Variants in FAM171A1 observed in about 807,000 individuals in gnomAD.
The protein encoded by FAM171A1 is protein FAM171A1.
Under a neutral mutation model 74.9 loss-of-function variants are expected in FAM171A1, and 23 were observed. That is an observed-to-expected ratio of 0.31 (90% CI 0.22 to 0.44). FAM171A1 has a LOEUF of 0.44. Among genes scored for constraint, FAM171A1 ranks in the 20% least tolerant of loss-of-function variants. The pLI, the probability that FAM171A1 is intolerant of heterozygous loss-of-function variation, is 1.00. For missense variants in FAM171A1, 1,162 were observed against 1,159.2 expected (o/e 1.00, Z -0.03); for synonymous variants, 527 against 505.7 (o/e 1.04, Z -0.57).
chr10:15,228,584 T>C (rs995763116), intron 5 of FAM171A1, among the ~76,000 whole-genome samples: 1 of 152,180 alleles, frequency 6.6e-6, no homozygotes, highest in African/African-American at 2.4e-5. Flanking sequence ...GCTCAAGTGA[T>C]CCTCCTCCTG....
chr10:15,259,877 G>A (rs1224089237), intron 3 of FAM171A1, among the ~76,000 whole-genome samples: 1 of 151,712 alleles, frequency 6.6e-6, no homozygotes, highest in Admixed American at 6.6e-5. Flanking sequence ...CCAGGCTGGA[G>A]TACAATGATG....
At chr10:15,261,022 C>T (rs554757254) in intron 3 of FAM171A1, among the ~76,000 whole-genome samples, 19 of 152,236 alleles carry the variant, frequency 1.2e-4, no homozygotes, top group South Asian at 6.2e-4. Context: ...TTTGTATTCA[C>T]GGAACTCAAG....
At chr10:15,319,997 G>A (rs986676245) in intron 1 of FAM171A1, among the ~76,000 whole-genome samples, 13 of 152,076 alleles carry the variant, frequency 8.5e-5, no homozygotes, top group Admixed American at 6.6e-4. Context: ...TCAGGGGTTT[G>A]TGACATGAGT....
At chr10:15,338,118 G>A (rs955218914) in intron 1 of FAM171A1, among the ~76,000 whole-genome samples, 30 of 152,166 alleles carry the variant, frequency 2.0e-4, no homozygotes, top group Admixed American at 6.5e-5. Flanking sequence ...ATCCAGACAA[G>A]GATGATCTGC....
At chr10:15,364,834 C>G (rs974633556) in intron 1 of FAM171A1, among the ~76,000 whole-genome samples, 1 of 152,118 alleles carries the variant, frequency 6.6e-6, no homozygotes, top group Non-Finnish European at 1.5e-5. Context: ...CATTCTCTCC[C>G]TGACTTGGAC....
In FAM171A1 at chr10:15,268,197, G is replaced by T. The variant is rs188292074; in HGVS notation, c.418+7658C>A. 1.4e-4 allele frequency among the ~76,000 whole-genome samples: 21 copies of T among 152,302 alleles called. No homozygotes were observed. In the East Asian group the frequency reaches 4.1e-3, roughly 30 times the overall value. ...GATTGTCCAGCCCTGAGTGGAAGGGGTTGGATTTTATTCCAAGTACAATGG... is the reference window on the plus strand; with the variant it reads ...GATTGTCCAGCCCTGAGTGGAAGGGTTTGGATTTTATTCCAAGTACAATGG... On this transcript the variant is annotated intron_variant, in intron 3 of 7. Transcript: ENST00000378116.
At chr10:15,338,027 T>TA (rs1248881741) in intron 1 of FAM171A1, among the ~76,000 whole-genome samples, 4 of 152,110 alleles carry the variant, frequency 2.6e-5, no homozygotes, top group Admixed American at 2.0e-4. Flanking sequence ...AATTCCTATT[T>TA]AAAAAACAAA....
chr10:15,216,115 A>G lies in FAM171A1; in HGVS notation c.872-5T>C. On this transcript the variant is annotated splice_polypyrimidine_tract_variant and splice_region_variant and intron_variant, in intron 6 of 7. Coordinates refer to ENST00000378116, the MANE Select transcript of FAM171A1 (RefSeq NM_001010924.2). ...TGTCCTGTGTTACAACGGGACCTAG[A>G]AGGTCAGAAAATGGCATTTAGAGTT... 1 of 1,568,196 alleles carries G rather than the reference A, an allele frequency of 6.4e-7. No individual in the cohort carries two copies. The highest frequency in any genetic ancestry group is 8.6e-7 in the Non-Finnish European group (1 of 1,160,088).
chr10:15,332,628 T>A (rs80096011), intron 1 of FAM171A1, among the ~76,000 whole-genome samples: 11,573 of 152,214 alleles, frequency 0.076, 499 homozygotes, highest in South Asian at 0.12. Flanking sequence ...TGTCATGAAT[T>A]TATGCATACA....
At chr10:15,296,896 A>G (rs953932803) in intron 1 of FAM171A1, among the ~76,000 whole-genome samples, 5 of 152,180 alleles carry the variant, frequency 3.3e-5, no homozygotes, top group African/African-American at 1.2e-4. Context: ...CATCTCAGGC[A>G]ACTGATGCTT....
At position 15,213,414 on chromosome 10, in the gene FAM171A1, A is replaced by G; in HGVS notation, c.2174T>C (p.Ile725Thr). ...GTTCCTTCCAGCTCTTTGGAGATCA[A>G]TGTATGAATGTCTAACGTGAGCGTT... ...RSNAHVRHSY[I>T]DLQRAGRNGS... The change falls in exon 8 of 8, where the codon ATT (isoleucine) becomes ACT (threonine). Residue 725 changes from isoleucine to threonine, a missense_variant. Coordinates refer to ENST00000378116, the MANE Select transcript of FAM171A1 (RefSeq NM_001010924.2). The surrounding 1 kb of genome is among the most constrained non-coding windows in gnomAD (Gnocchi z 6.8). The G allele has an allele frequency of 1.2e-6, 2 of 1,614,084 alleles. No homozygotes were observed. The highest frequency in any genetic ancestry group is 8.5e-7 in the Non-Finnish European group (1 of 1,180,018).
chr10:15,311,569 A>T (rs1485211438), intron 1 of FAM171A1, among the ~76,000 whole-genome samples: 1 of 152,150 alleles, frequency 6.6e-6, no homozygotes, highest in African/African-American at 2.4e-5. Flanking sequence ...ATATCCTGGG[A>T]TTCCCCTTAA....
chr10:15,254,341 G>A (rs1220948211), intron 4 of FAM171A1, among the ~76,000 whole-genome samples: 1 of 152,106 alleles, frequency 6.6e-6, no homozygotes, highest in Non-Finnish European at 1.5e-5. Flanking sequence ...CTCTCAAATG[G>A]GGGCTCGTGG....
chr10:15,314,868 C>T (rs1304248778), intron 1 of FAM171A1, among the ~76,000 whole-genome samples: 1 of 152,248 alleles, frequency 6.6e-6, no homozygotes, highest in Non-Finnish European at 1.5e-5. Context: ...CCACCTCGGC[C>T]TGGCCTGCAG....
At chr10:15,343,612 G>T (rs2131872579) in intron 1 of FAM171A1, among the ~76,000 whole-genome samples, 1 of 152,268 alleles carries the variant, frequency 6.6e-6, no homozygotes, top group East Asian at 1.9e-4. Flanking sequence ...CACCCTAGAG[G>T]AGTGACCTGT....
At chr10:15,309,454 C>T (rs183508015) in intron 1 of FAM171A1, among the ~76,000 whole-genome samples, 22 of 152,378 alleles carry the variant, frequency 1.4e-4, no homozygotes, top group Admixed American at 4.6e-4. Flanking sequence ...GCAATCCTCC[C>T]GCCTTGGCGT....
chr10:15,322,822 G>A (rs1160353926), intron 1 of FAM171A1, among the ~76,000 whole-genome samples: 1 of 152,228 alleles, frequency 6.6e-6, no homozygotes, highest in Non-Finnish European at 1.5e-5. Flanking sequence ...AAATGACCAA[G>A]GTCTTCATTT....
intron 1 of FAM171A1, among the ~76,000 whole-genome samples, chr10:15,310,599 C>G (rs1835348636): frequency 6.6e-6 from 1 of 152,036 alleles, no homozygotes; most frequent in African/African-American, 2.4e-5. Flanking sequence ...TGGTGGCTCA[C>G]ACTTGTAATC....
intron 6 of FAM171A1, among the ~76,000 whole-genome samples, chr10:15,218,469 T>G (rs1271297641): frequency 6.6e-6 from 1 of 152,174 alleles, no homozygotes; most frequent in Non-Finnish European, 1.5e-5. Flanking sequence ...TAACCCAAAT[T>G]ATTTTGTTGT....
Sources: gnomAD v4.1 joint callset for allele counts (sites outside exome capture counted in the v4.1 genomes callset) on GRCh38, gnomAD v4.1.1 for gene constraint, Gnocchi (gnomAD v3.1) non-coding constraint, MANE v1.5 for transcripts, NCBI Gene and HGNC (gene_info 2026-07-23, HGNC 2026-07-21) for gene names.